The following RPH3A variants were observed in gnomAD, a reference collection of about 807,000 sequenced individuals.
The protein encoded by RPH3A is rabphilin-3A.
In RPH3A, 48 loss-of-function variants were observed where a neutral mutation model predicts 102.2. The observed-to-expected ratio is 0.47, with a 90% confidence interval of 0.37 to 0.60. RPH3A has a LOEUF of 0.60. RPH3A is among the 20% of genes least tolerant of loss of function. RPH3A has a pLI of 0.00. For synonymous variants in RPH3A, 310 were observed against 324.3 expected (o/e 0.96, Z 0.47); for missense variants, 781 against 910.1 (o/e 0.86, Z 1.83).
At chr12:112,727,860 A>G (rs2040605728) in intron 1 of RPH3A, among the ~76,000 whole-genome samples, 1 of 152,210 alleles carries the variant, frequency 6.6e-6, no homozygotes, top group African/African-American at 2.4e-5. Context: ...TCACAACCAA[A>G]GAATGTCTTC....
chr12:112,595,082 T>A (rs572793133), intron 1 of RPH3A, among the ~76,000 whole-genome samples: 15 of 152,308 alleles, frequency 9.8e-5, no homozygotes, highest in African/African-American at 2.6e-4. Flanking sequence ...ATTTCCACAC[T>A]TACTGGCTAT....
At chr12:112,636,289 A>C (rs1476789514) in intron 1 of RPH3A, among the ~76,000 whole-genome samples, 1 of 152,138 alleles carries the variant, frequency 6.6e-6, no homozygotes, top group South Asian at 2.1e-4. Context: ...CACACATATC[A>C]CTTCTACTCA....
At chr12:112,589,285 G>A (rs888442775) in intron 1 of RPH3A, among the ~76,000 whole-genome samples, 2 of 152,066 alleles carry the variant, frequency 1.3e-5, no homozygotes, top group Admixed American at 6.5e-5. Context: ...TACAAACTGT[G>A]CTTTCTCTCC....
intron 13 of RPH3A, 124 bp from the exon 14 acceptor site, chr12:112,878,995 C>G: frequency 1.2e-6 from 1 of 830,880 alleles, no homozygotes; most frequent in Non-Finnish European, 2.0e-6. Flanking sequence ...CAGCAAAAAC[C>G]GAGTTTTCTT....
At chr12:112,576,891 CT>C (rs201844953) in intron 1 of RPH3A, among the ~76,000 whole-genome samples, 4 of 121,664 alleles carry the variant, frequency 3.3e-5, no homozygotes, top group Admixed American at 2.5e-4. Flanking sequence ...ATGTTCTTTT[CT>C]TTTTTTTCTT....
At chr12:112,761,963 A>C (rs2040857129) in intron 1 of RPH3A, among the ~76,000 whole-genome samples, 1 of 152,214 alleles carries the variant, frequency 6.6e-6, no homozygotes. Flanking sequence ...TCCAAAATGC[A>C]ATCATAGGCA....
chr12:112,607,691 T>C (rs545888328), intron 1 of RPH3A, among the ~76,000 whole-genome samples: 35 of 152,320 alleles, frequency 2.3e-4, no homozygotes, highest in African/African-American at 8.2e-4. Context: ...ACTACAGAGT[T>C]GATAAATAAA....
rs373109708 is a variant in RPH3A at position 112,876,818 on chromosome 12, C to T, written c.1123C>T (p.Pro375Ser). Residue 375 changes from proline (P) to serine (S), a missense_variant, in exon 13 of 22, where the codon CCA becomes TCA. Pro to Ser is a moderately conservative substitution (Grantham distance 74). Transcript: ENST00000389385. ...TGCTGCAGCCCGCCAGCCACCACCC[C>T]CAGAGGAGGAGGAAGAGGAAGCCAA... ...QPAAARQPPP[P>S]EEEEEEANSY... 6.8e-6 allele frequency: 11 copies of T among 1,610,120 alleles called. No homozygotes were observed. Among genetic ancestry groups the T allele is most frequent in the South Asian group, 3.3e-5 (3 of 90,298 alleles).
In RPH3A at chr12:112,884,302, A is replaced by T. The variant is rs60649206; in HGVS notation, c.1436+900A>T. On this transcript the variant is annotated intron_variant, in intron 16 of 21. Coordinates refer to ENST00000389385, the MANE Select transcript of RPH3A (RefSeq NM_001143854.2). ...TTTTTTAAGAAATAAAGCACCCCCG[A>T]TGCAAGTTGAAGCTCCTTTTGTATA... 2.0e-3 allele frequency among the ~76,000 whole-genome samples: 310 copies of T among 152,312 alleles called. 1 individual carries two copies. The highest frequency in any genetic ancestry group is 7.1e-3 in the African/African-American group (295 of 41,574).
rs528943128 is a variant in RPH3A at position 112,725,977 on chromosome 12, A to G, written c.-139-66166A>G. 1.2e-4 allele frequency among the ~76,000 whole-genome samples: 18 copies of G among 152,042 alleles called. No individual in the cohort carries two copies. In the South Asian group the frequency reaches 3.5e-3, roughly 30 times the overall value. ...CGCCCGGCTAATTTGTTGTGTATTT[A>G]GTACAGGCAGGGTTTCACCGTGTAA... On this transcript the variant is annotated intron_variant, in intron 1 of 21. Coordinates refer to the RPH3A transcript ENST00000543106.
intron 1 of RPH3A, among the ~76,000 whole-genome samples, chr12:112,692,960 G>A (rs781244720): frequency 6.6e-6 from 1 of 152,182 alleles, no homozygotes; most frequent in African/African-American, 2.4e-5. Flanking sequence ...CTAGCAGAGA[G>A]CACATAGGAA....
chr12:112,712,624 A>G (rs1205657009), intron 1 of RPH3A, among the ~76,000 whole-genome samples: 1 of 151,908 alleles, frequency 6.6e-6, no homozygotes, highest in African/African-American at 2.4e-5. Flanking sequence ...GGTAGCCTGC[A>G]TTATGAATTT....
intron 1 of RPH3A, among the ~76,000 whole-genome samples, chr12:112,713,858 A>T (rs930124784): frequency 9.2e-5 from 14 of 152,180 alleles, no homozygotes; most frequent in Admixed American, 5.2e-4. Flanking sequence ...GGAGGCTTGG[A>T]TGAGAAATGA....
At position 112,634,379 on chromosome 12, in the gene RPH3A, A is replaced by T. The variant is rs1489940826; in HGVS notation, c.-140+59060A>T. ...AAAAAAAAAACAAAACAAAAAAACA[A>T]ACAAACAAACAAACAAAATACAAAA... On this transcript the variant is annotated intron_variant, in intron 1 of 21. Coordinates refer to the RPH3A transcript ENST00000543106. Among the ~76,000 whole-genome samples, 4 of 50,458 alleles carry T rather than the reference A, an allele frequency of 7.9e-5. 2 individuals are homozygous for T. Among genetic ancestry groups the T allele is most frequent in the African/African-American group, 5.5e-4 (4 of 7,298 alleles). 33.1% of individuals were successfully genotyped at this position (50,458 alleles called of 152,430 possible). A position where few individuals can be genotyped will look rare whatever the true frequency, so the allele number is the denominator to read the frequency against.
intron 1 of RPH3A, among the ~76,000 whole-genome samples, chr12:112,685,661 C>G (rs1237887709): frequency 6.6e-6 from 1 of 152,146 alleles, no homozygotes; most frequent in Non-Finnish European, 1.5e-5. Flanking sequence ...TTTTTCCCAG[C>G]CTTTGGGCCA....
intron 1 of RPH3A, among the ~76,000 whole-genome samples, chr12:112,652,334 G>A (rs928633455): frequency 1.1e-4 from 17 of 152,158 alleles, no homozygotes; most frequent in African/African-American, 4.1e-4. Flanking sequence ...AATATTAGCT[G>A]GGTGTGGTAG....
intron 1 of RPH3A, among the ~76,000 whole-genome samples, chr12:112,660,303 T>C (rs1448752881): frequency 6.6e-6 from 1 of 152,150 alleles, no homozygotes; most frequent in Admixed American, 6.6e-5. Context: ...CCTTTCTATA[T>C]TTGTAACTCC....
chr12:112,586,496 GAAGGCATGGCA>G (rs1488571656), intron 1 of RPH3A, among the ~76,000 whole-genome samples: 3 of 152,070 alleles, frequency 2.0e-5, no homozygotes, highest in African/African-American at 7.2e-5. Flanking sequence ...GTTCCAGGAA[GAAGGCATGGCA>G]AGGGTGAAGG....
rs201760066 is a variant in RPH3A at position 112,621,009 on chromosome 12, TA to T, written c.-140+45691del. ...ATATCTTCCTATTTTTTAACATTATTATTTTTTTTTTTTTGTAGAGATAGGG... is the reference window on the plus strand; with the variant it reads ...ATATCTTCCTATTTTTTAACATTATTTTTTTTTTTTTTTGTAGAGATAGGG... On this transcript the variant is annotated intron_variant, in intron 1 of 21. Transcript: ENST00000543106. Among the ~76,000 whole-genome samples, 814 of 149,638 alleles carry T rather than the reference TA, an allele frequency of 5.4e-3. 18 individuals carry two copies. Among genetic ancestry groups the T allele is most frequent in the Middle Eastern group, 0.021 (6 of 290 alleles).
Sources: gnomAD v4.1 joint callset for allele counts (sites outside exome capture counted in the v4.1 genomes callset) on GRCh38, gnomAD v4.1.1 for gene constraint, MANE v1.5 for transcripts, NCBI Gene and HGNC (gene_info 2026-07-23, HGNC 2026-07-21) for gene names.